FBH1: variants seen among roughly 807,000 people sequenced by gnomAD.
The protein encoded by FBH1 is DNA 3'-5' helicase 1.
Under a neutral mutation model 115.5 loss-of-function variants are expected in FBH1, and 43 were observed. The observed-to-expected ratio is 0.37, with a 90% CI of 0.29 to 0.48. The LOEUF (loss-of-function observed/expected upper bound fraction) is 0.48, where lower values mean the gene tolerates loss of function less well. Ranked by LOEUF, FBH1 falls within the 20% of genes least tolerant of loss-of-function variation. FBH1 has a pLI of 0.99. For synonymous variants in FBH1, 524 were observed against 507.8 expected (o/e 1.03, Z -0.43); for missense variants, 1,001 against 1,337.3 (o/e 0.75, Z 3.92).
At chr10:5,929,792 A>G (rs1348841167) in intron 19 of FBH1, 1 of 152,242 alleles carries the variant, frequency 6.6e-6, no homozygotes, top group Non-Finnish European at 1.5e-5. Flanking sequence ...GTGACTTTAA[A>G]AAATCTCTAA....
chr10:5,896,431 G>A (rs1392005140), intron 1 of FBH1, among the ~76,000 whole-genome samples: 2 of 152,142 alleles, frequency 1.3e-5, no homozygotes, highest in Non-Finnish European at 2.9e-5. Flanking sequence ...CCCCTGGGGT[G>A]GAGGACAGAG....
chr10:5,927,208 G>A (rs1378035235), intron 18 of FBH1, among the ~76,000 whole-genome samples: 1 of 152,194 alleles, frequency 6.6e-6, no homozygotes, highest in Non-Finnish European at 1.5e-5. Flanking sequence ...CAGGATTTAC[G>A]TAGCAGGACT....
Position 5,913,087 on chromosome 10 carries a change from G to A in FBH1, c.1212-660G>A, listed in dbSNP as rs958980100. On this transcript the variant is annotated intron_variant, in intron 6 of 20. Coordinates refer to ENST00000362091, the MANE Select transcript of FBH1 (RefSeq NM_178150.3). The surrounding 1 kb of genome is among the most constrained non-coding windows in gnomAD (Gnocchi z 4.4). ...CTCCCCCACAGTCCAGGGGAGACTT[G>A]GAGAGGCTTTGGAACGGCGTGTGCC... Among the ~76,000 whole-genome samples, 20 of 152,116 alleles carry A rather than the reference G, an allele frequency of 1.3e-4. No individual in the cohort carries two copies. The highest frequency in any genetic ancestry group is 2.1e-4 in the South Asian group (1 of 4,824).
rs763869621 is a variant in FBH1 at position 5,924,300 on chromosome 10, ATTC to A, written c.2399-5_2399-3del. The A allele has an allele frequency of 1.2e-6, 2 of 1,613,876 alleles. No homozygotes were observed. Among genetic ancestry groups the A allele is most frequent in the Non-Finnish European group, 1.7e-6 (2 of 1,179,766 alleles). ...TTGTGTCACCTTAATTTGTGTGTAT[ATTC>A]TTCTTAGAAAACCTCGTCATTAAAG... On this transcript the variant is annotated splice_polypyrimidine_tract_variant and splice_region_variant and intron_variant, in intron 16 of 20. Transcript: ENST00000362091. The surrounding 1 kb of genome is among the most constrained non-coding windows in gnomAD (Gnocchi z 6.2).
chr10:5,926,655 G>A (rs1433793204), intron 18 of FBH1, among the ~76,000 whole-genome samples: 2 of 152,180 alleles, frequency 1.3e-5, no homozygotes, highest in African/African-American at 4.8e-5. Flanking sequence ...GGTTTGGAGT[G>A]GAGAGAGGAA....
chr10:5,890,576 A>G (rs1842647306), intron 1 of FBH1, among the ~76,000 whole-genome samples: 1 of 149,588 alleles, frequency 6.7e-6, no homozygotes, highest in South Asian at 2.1e-4. Flanking sequence ...CGCTCACTGA[A>G]CTCGGTCGGG....
rs928298877 is a variant in FBH1, at chr10:5,936,781, C to G, written c.2961+194C>G. 1.4e-6 allele frequency: 1 copy of G among 711,642 alleles called. No homozygotes were observed. Among genetic ancestry groups the G allele is most frequent in the Admixed American group, 2.9e-5 (1 of 34,588 alleles). The allele number at this position is 711,642 out of a possible 1,614,324, so 44.1% of individuals were successfully genotyped here. ...GGTCAGGGCACGTGATGCTGCCTGG[C>G]TGTGCTGAAGCCGCAGGTCTGGGAG... is the stretch of plus-strand genomic sequence containing the variant. On this transcript the variant is annotated intron_variant, in intron 20 of 20. Coordinates refer to ENST00000362091, the MANE Select transcript of FBH1 (RefSeq NM_178150.3). This position sits in a 1 kb window ranked among gnomAD's most constrained non-coding sequence, Gnocchi z 5.6.
chr10:5,905,106 A>G (rs1737221865), intron 2 of FBH1: 1 of 152,224 alleles, frequency 6.6e-6, no homozygotes, highest in African/African-American at 2.4e-5. Flanking sequence ...TGCTTAGTAA[A>G]TGTTCACTGA....
chr10:5,911,248 C>A lies in FBH1; in HGVS notation c.1211+120C>A. ...CCTGGCAGGCTGTGGGACCCACCTG[C>A]TCCACCTCAGTGTCATCTTCTGCAG... On this transcript the variant is annotated intron_variant, in intron 6 of 20. Coordinates refer to ENST00000362091, the MANE Select transcript of FBH1 (RefSeq NM_178150.3). This position sits in a 1 kb window ranked among gnomAD's most constrained non-coding sequence, Gnocchi z 5.4. 1.1e-6 allele frequency: 1 copy of A among 949,812 alleles called. No homozygotes were observed. Among genetic ancestry groups the A allele is most frequent in the Non-Finnish European group, 1.6e-6 (1 of 641,040 alleles). The allele number at this position is 949,812 out of a possible 1,614,324, so 58.8% of individuals were successfully genotyped here.
Position 5,913,025 on chromosome 10 carries a change from C to T in FBH1, c.1212-722C>T, listed in dbSNP as rs1328401419. On this transcript the variant is annotated intron_variant, in intron 6 of 20. Transcript: ENST00000362091. The surrounding 1 kb of genome is among the most constrained non-coding windows in gnomAD (Gnocchi z 4.4). ...CTCTGGGGATGGGGGGCAGTGCACT[C>T]GATTGTTGGGGGAGCGAGTCCAAGC... Among the ~76,000 whole-genome samples, 1 of 151,988 alleles carries T rather than the reference C, an allele frequency of 6.6e-6. No individual in the cohort carries two copies. Among genetic ancestry groups the T allele is most frequent in the African/African-American group, 2.4e-5 (1 of 41,356 alleles).
chr10:5,915,960 G>T lies in FBH1; in HGVS notation c.1566-274G>T, dbSNP rs1325836070. On this transcript the variant is annotated intron_variant, in intron 9 of 20. Transcript: ENST00000362091. The surrounding 1 kb of genome is among the most constrained non-coding windows in gnomAD (Gnocchi z 5.2). ...TGTAGAGGCATCAGGGAACTCCAAGGGTCCCTCCGGGGACCTTCTGGAGCC... is the reference window on the plus strand; with the variant it reads ...TGTAGAGGCATCAGGGAACTCCAAGTGTCCCTCCGGGGACCTTCTGGAGCC... 1 of 499,028 alleles carries T rather than the reference G, an allele frequency of 2.0e-6. No individual in the cohort carries two copies. The highest frequency in any genetic ancestry group is 3.6e-5 in the Admixed American group (1 of 28,128). The allele number at this position is 499,028 out of a possible 1,614,324, so 30.9% of individuals were successfully genotyped here. A position where few individuals can be genotyped will look rare whatever the true frequency, so the allele number is the denominator to read the frequency against.
Position 5,906,529 on chromosome 10 carries a change from G to T in FBH1, c.650G>T (p.Ser217Ile), listed in dbSNP as rs562318090. The change falls in exon 3 of 21, where the codon AGT becomes ATT. Residue 217 changes from serine (S) to isoleucine (I), a missense_variant. Physicochemically the swap from Ser to Ile is moderately radical, Grantham distance 142. This residue lies in a region of FBH1 where 420 missense variants were observed against 430.4 expected (regional missense o/e 0.98). Transcript: ENST00000362091. This position sits in a 1 kb window ranked among gnomAD's most constrained non-coding sequence, Gnocchi z 7.3. ...EALSHICSLPSEVLRHVFAFL... is the reference protein window; with the variant it reads ...EALSHICSLPIEVLRHVFAFL... Reference sequence around the variant, plus strand: ...CTGAGCCACATTTGCAGCCTGCCTAGTGAGGTCCTGAGGCACGTGTTTGCC... The same window carrying T: ...CTGAGCCACATTTGCAGCCTGCCTATTGAGGTCCTGAGGCACGTGTTTGCC... 3.1e-6 allele frequency: 5 copies of T among 1,614,172 alleles called. No homozygotes were observed. The South Asian group carries it at 4.4e-5, about 14-fold the overall frequency.
Position 5,914,917 on chromosome 10 carries a change from G to A in FBH1, c.1397-486G>A, listed in dbSNP as rs1175048202. 2.0e-5 allele frequency among the ~76,000 whole-genome samples: 3 copies of A among 152,112 alleles called. No individual in the cohort carries two copies. The East Asian group carries it at 5.8e-4, about 29-fold the overall frequency. On this transcript the variant is annotated intron_variant, in intron 8 of 20. Coordinates refer to ENST00000362091, the MANE Select transcript of FBH1 (RefSeq NM_178150.3). This position sits in a 1 kb window ranked among gnomAD's most constrained non-coding sequence, Gnocchi z 5.2. Reference sequence around the variant, plus strand: ...GCTGATCCTGATAGCATTCCGTAAGGTTGCTTAGTTATTCTTGTTTTATAG... The same window carrying A: ...GCTGATCCTGATAGCATTCCGTAAGATTGCTTAGTTATTCTTGTTTTATAG...
In FBH1 at chr10:5,937,534, A is replaced by ATT. The variant is rs200022146; in HGVS notation, c.*256_*257dup. 31 of 311,958 alleles carry ATT rather than the reference A, an allele frequency of 9.9e-5. No individual in the cohort carries two copies. Among genetic ancestry groups the ATT allele is most frequent in the Admixed American group, 3.0e-4 (6 of 20,072 alleles). 19.3% of individuals were successfully genotyped at this position (311,958 alleles called of 1,614,324 possible). A position where few individuals can be genotyped will look rare whatever the true frequency, so the allele number is the denominator to read the frequency against. On this transcript the variant is annotated 3_prime_UTR_variant, in exon 21 of 21. Transcript: ENST00000362091. ...TCTTTTGATAAAAAAAAAAAAAAAA[A>ATT]TTTATGTATTTAAACTTTTATTACA... is the stretch of plus-strand genomic sequence containing the variant.
Position 5,936,922 on chromosome 10 carries a change from G to T in FBH1, c.2962-188G>T. 1 of 647,646 alleles carries T rather than the reference G, an allele frequency of 1.5e-6. No individual in the cohort carries two copies. Among genetic ancestry groups the T allele is most frequent in the Non-Finnish European group, 2.6e-6 (1 of 381,408 alleles). The allele number at this position is 647,646 out of a possible 1,614,324, so 40.1% of individuals were successfully genotyped here. A position where few individuals can be genotyped will look rare whatever the true frequency, so the allele number is the denominator to read the frequency against. ...CTGTTTCTGAGCTCAGGGAATTTGG[G>T]GGTGTTGAGGCCACCTAGTTGGTGG... is the stretch of plus-strand genomic sequence containing the variant. On this transcript the variant is annotated intron_variant, in intron 20 of 20. Coordinates refer to ENST00000362091, the MANE Select transcript of FBH1 (RefSeq NM_178150.3). The surrounding 1 kb of genome is among the most constrained non-coding windows in gnomAD (Gnocchi z 5.6).
chr10:5,931,349 C>T lies in FBH1; in HGVS notation c.2829+3808C>T, dbSNP rs1312441728. On this transcript the variant is annotated intron_variant, in intron 19 of 20. Transcript: ENST00000362091. This position sits in a 1 kb window ranked among gnomAD's most constrained non-coding sequence, Gnocchi z 4.3. ...GTGCTGAAAAATGATACTGTTTACA[C>T]ATGTTCTCTTCATTCTCCTGGGTTT... 6.6e-6 allele frequency among the ~76,000 whole-genome samples: 1 copy of T among 152,198 alleles called. No individual in the cohort carries two copies. Among genetic ancestry groups the T allele is most frequent in the African/African-American group, 2.4e-5 (1 of 41,446 alleles).
chr10:5,910,890 A>G lies in FBH1; in HGVS notation c.1021-48A>G. On this transcript the variant is annotated intron_variant, in intron 5 of 20. Transcript: ENST00000362091. The surrounding 1 kb of genome is among the most constrained non-coding windows in gnomAD (Gnocchi z 4.8). ...CTCCTTCCTGCTGTGATTCGTATTA[A>G]CCATGGCCTGTGGGCTGTCCCTCCC... 1.3e-6 allele frequency: 2 copies of G among 1,540,482 alleles called. No homozygotes were observed. The highest frequency in any genetic ancestry group is 1.8e-6 in the Non-Finnish European group (2 of 1,136,302).
chr10:5,918,706 C>T lies in FBH1; in HGVS notation c.2100+228C>T, dbSNP rs1383179517. On this transcript the variant is annotated intron_variant, in intron 13 of 20. Coordinates refer to ENST00000362091, the MANE Select transcript of FBH1 (RefSeq NM_178150.3). This position sits in a 1 kb window ranked among gnomAD's most constrained non-coding sequence, Gnocchi z 4.0. Reference sequence around the variant, plus strand: ...GAGCTGCTGCGGCTGAACTGTGAACCGATGGCTGCTGCCGCCTTGTACATT... The same window carrying T: ...GAGCTGCTGCGGCTGAACTGTGAACTGATGGCTGCTGCCGCCTTGTACATT... 6.6e-6 allele frequency among the ~76,000 whole-genome samples: 1 copy of T among 152,188 alleles called. No homozygotes were observed. Among genetic ancestry groups the T allele is most frequent in the Non-Finnish European group, 1.5e-5 (1 of 68,038 alleles).
chr10:5,926,626 A>G (rs888897587), intron 18 of FBH1, among the ~76,000 whole-genome samples: 1 of 152,224 alleles, frequency 6.6e-6, no homozygotes, highest in Non-Finnish European at 1.5e-5. Flanking sequence ...ATTTGTGACC[A>G]TTGGCAAACA....
Sources: gnomAD v4.1 joint callset for allele counts (sites outside exome capture counted in the v4.1 genomes callset) on GRCh38, gnomAD v4.1.1 for gene constraint, gnomAD v4.1.1 regional missense constraint, Gnocchi (gnomAD v3.1) non-coding constraint, MANE v1.5 for transcripts, NCBI Gene and HGNC (gene_info 2026-07-23, HGNC 2026-07-21) for gene names.